The following JARID2 variants were observed in gnomAD, a reference collection of about 807,000 sequenced individuals.
JARID2 encodes jumonji and AT-rich interaction domain containing 2.
A neutral mutation model predicts 125.6 loss-of-function variants in JARID2; 21 were observed. The ratio of observed to expected loss-of-function variants is 0.17; its 90% CI spans 0.12 to 0.24. The LOEUF (loss-of-function observed/expected upper bound fraction) is 0.24, where lower values mean the gene tolerates loss of function less well. JARID2 is among the 10% of genes least tolerant of loss of function. JARID2 has a pLI of 1.00. For synonymous variants in JARID2, 736 were observed against 661.6 expected (o/e 1.11, Z -1.73); for missense variants, 1,303 against 1,639.6 (o/e 0.79, Z 3.55).
intron 1 of JARID2, among the ~76,000 whole-genome samples, chr6:15,352,412 C>A (rs1763461394): frequency 1.3e-5 from 2 of 152,066 alleles, no homozygotes; most frequent in Admixed American, 1.3e-4. Flanking sequence ...CTATTCTTCC[C>A]CCAGCTCAGA....
At chr6:15,320,408 T>C (rs951973290) in intron 1 of JARID2, among the ~76,000 whole-genome samples, 3 of 152,226 alleles carry the variant, frequency 2.0e-5, no homozygotes, top group African/African-American at 7.2e-5. Flanking sequence ...TAGAAAAATA[T>C]ATTTAAGAAA....
chr6:15,376,911 G>C (rs993943131), intron 2 of JARID2, among the ~76,000 whole-genome samples: 6 of 152,186 alleles, frequency 3.9e-5, no homozygotes, highest in African/African-American at 1.4e-4. Flanking sequence ...TTTAGGGCTG[G>C]TGAGGCTAGG....
At chr6:15,508,487 C>A in intron 12 of JARID2, 33 bp downstream of exon 12, 1 of 1,100,760 alleles carries the variant, frequency 9.1e-7, no homozygotes, top group Non-Finnish European at 1.4e-6. Context: ...AAGGGAGGGA[C>A]TGCAGAAACT....
intron 4 of JARID2, among the ~76,000 whole-genome samples, chr6:15,454,974 G>A (rs775560834): frequency 2.0e-5 from 3 of 152,110 alleles, no homozygotes; most frequent in Non-Finnish European, 4.4e-5. Flanking sequence ...GAACGAGTGG[G>A]ATGTGTACTC....
intron 3 of JARID2, among the ~76,000 whole-genome samples, chr6:15,432,175 T>C (rs1396839759): frequency 2.0e-5 from 3 of 151,766 alleles, no homozygotes; most frequent in African/African-American, 7.3e-5. Context: ...CCGTTTGCAA[T>C]CCCAGCACTT....
rs1206701525 is a variant in JARID2 at position 15,251,704 on chromosome 6, C to T, written c.45+5120C>T. Among the ~76,000 whole-genome samples the T allele has an allele frequency of 2.6e-5, 4 of 152,100 alleles. 1 individual carries two copies. The South Asian group carries it at 6.2e-4, about 24-fold the overall frequency. On this transcript the variant is annotated intron_variant, in intron 1 of 17. Coordinates refer to ENST00000341776, the MANE Select transcript of JARID2 (RefSeq NM_004973.4). The stretch of plus-strand genomic sequence containing the variant: ...AACCTTGAAACAGTGTGAAAAAGAG[C>T]GTGGTGGCTCATGCCTGTAATCCCA...
chr6:15,283,487 T>C (rs1453061832), intron 1 of JARID2, among the ~76,000 whole-genome samples: 1 of 130,468 alleles, frequency 7.7e-6, no homozygotes, highest in Non-Finnish European at 1.6e-5. Flanking sequence ...ACTACAGGCA[T>C]GCACCAGCTA....
intron 1 of JARID2, among the ~76,000 whole-genome samples, chr6:15,332,930 CT>C (rs1319288795): frequency 1.7e-4 from 14 of 82,822 alleles, no homozygotes; most frequent in South Asian, 9.1e-4. Flanking sequence ...CTTTTCTTTT[CT>C]TTTCTTTTTT....
chr6:15,381,108 C>T (rs1764564899), intron 2 of JARID2, among the ~76,000 whole-genome samples: 2 of 151,476 alleles, frequency 1.3e-5, no homozygotes, highest in South Asian at 4.2e-4. Context: ...AATCCCAGCA[C>T]TTTGGGGGGC....
At chr6:15,365,422 G>A (rs895360878) in intron 1 of JARID2, among the ~76,000 whole-genome samples, 2 of 152,146 alleles carry the variant, frequency 1.3e-5, no homozygotes, top group African/African-American at 4.8e-5. Flanking sequence ...AACCATGAGC[G>A]TGCGGACGTC....
intron 1 of JARID2, among the ~76,000 whole-genome samples, chr6:15,250,686 T>G (rs902859857): frequency 6.6e-6 from 1 of 152,214 alleles, no homozygotes; most frequent in Non-Finnish European, 1.5e-5. Flanking sequence ...TGTGTCCCTG[T>G]AGCCACTGGC....
intron 1 of JARID2, among the ~76,000 whole-genome samples, chr6:15,367,423 C>A (rs1581463979): frequency 6.6e-6 from 1 of 152,144 alleles, no homozygotes; most frequent in East Asian, 1.9e-4. Flanking sequence ...CTTCTATCCC[C>A]ACTACTAATA....
intron 2 of JARID2, among the ~76,000 whole-genome samples, chr6:15,383,239 A>G (rs1388634375): frequency 6.6e-6 from 1 of 151,124 alleles, no homozygotes; most frequent in Non-Finnish European, 1.5e-5. Context: ...GGGCTTAAGC[A>G]GTCTTCCCAC....
chr6:15,466,090 C>A (rs1383176455), intron 4 of JARID2, among the ~76,000 whole-genome samples: 1 of 152,192 alleles, frequency 6.6e-6, no homozygotes, highest in Non-Finnish European at 1.5e-5. Context: ...AGGCGTGAGC[C>A]ACCACGCCCA....
intron 7 of JARID2, 68 bp downstream of exon 7, chr6:15,497,238 A>G (rs1165424368): frequency 2.6e-5 from 31 of 1,193,210 alleles, no homozygotes; most frequent in Non-Finnish European, 3.4e-5. Context: ...CAGTTCCCTC[A>G]CAGTCTTCAC....
At chr6:15,365,237 A>G (rs1381650903) in intron 1 of JARID2, among the ~76,000 whole-genome samples, 1 of 152,220 alleles carries the variant, frequency 6.6e-6, no homozygotes, top group Non-Finnish European at 1.5e-5. Flanking sequence ...CCACTCCATC[A>G]GTGAAGGTAC....
chr6:15,467,875 G>T (rs1035321123), intron 4 of JARID2, among the ~76,000 whole-genome samples: 20 of 152,270 alleles, frequency 1.3e-4, no homozygotes, highest in African/African-American at 4.8e-4. Flanking sequence ...AACCTTTGAG[G>T]ATGAGAGGTT....
At chr6:15,391,403 G>A (rs1163591049) in intron 2 of JARID2, among the ~76,000 whole-genome samples, 3 of 152,182 alleles carry the variant, frequency 2.0e-5, no homozygotes, top group Non-Finnish European at 2.9e-5. Flanking sequence ...TTCAGAGCCA[G>A]CATGTGGCAT....
At chr6:15,336,321 C>T (rs769182454) in intron 1 of JARID2, among the ~76,000 whole-genome samples, 1 of 152,316 alleles carries the variant, frequency 6.6e-6, no homozygotes, top group East Asian at 1.9e-4. Context: ...TTCGCTATTG[C>T]GAAGATTTCT....
Sources: gnomAD v4.1 joint callset for allele counts (sites outside exome capture counted in the v4.1 genomes callset) on GRCh38, gnomAD v4.1.1 for gene constraint, MANE v1.5 for transcripts, NCBI Gene and HGNC (gene_info 2026-07-23, HGNC 2026-07-21) for gene names.